ATG7: variants seen among roughly 807,000 people sequenced by gnomAD.
ATG7 encodes the protein ubiquitin-like modifier-activating enzyme ATG7.
ATG7 carries 70 observed loss-of-function variants against 82.4 expected under a neutral mutation model. The ratio of observed to expected loss-of-function variants is 0.85; its 90% CI spans 0.70 to 1.04. The LOEUF (loss-of-function observed/expected upper bound fraction) is 1.04. Ranked by LOEUF, ATG7 falls within the 50% of genes least tolerant of loss-of-function variation. ATG7 has a pLI of 0.00. For synonymous variants in ATG7, 287 were observed against 313.0 expected (o/e 0.92, Z 0.88); for missense variants, 792 against 864.3 (o/e 0.92, Z 1.05).
intron 20 of ATG7, among the ~76,000 whole-genome samples, chr3:11,549,283 T>G (rs1237828984): frequency 6.6e-6 from 1 of 152,164 alleles, no homozygotes; most frequent in Non-Finnish European, 1.5e-5. Flanking sequence ...GTGTGTAAGG[T>G]ATCTTTATAT....
chr3:11,320,379 TG>T (rs1478337501), intron 9 of ATG7, among the ~76,000 whole-genome samples: 1 of 152,020 alleles, frequency 6.6e-6, no homozygotes, highest in Non-Finnish European at 1.5e-5. Flanking sequence ...CTCCGCCTCC[TG>T]GGTCCAAGTG....
At chr3:11,502,492 G>A (rs1285480397) in intron 20 of ATG7, among the ~76,000 whole-genome samples, 2 of 148,128 alleles carry the variant, frequency 1.4e-5, no homozygotes. Flanking sequence ...TTTTGTTCTT[G>A]CGATAGTTTA....
chr3:11,570,373 C>A, the ATG7 span, among the ~76,000 whole-genome samples: 1 of 152,154 alleles, frequency 6.6e-6, no homozygotes, highest in African/African-American at 2.4e-5. Context: ...AGATGCCGGC[C>A]ACCAAGGTCT....
chr3:11,493,288 C>G (rs931698011), intron 20 of ATG7, among the ~76,000 whole-genome samples: 1 of 152,220 alleles, frequency 6.6e-6, no homozygotes, highest in African/African-American at 2.4e-5. Flanking sequence ...CAGCCACCAT[C>G]TCTGAAGGCA....
intron 20 of ATG7, among the ~76,000 whole-genome samples, chr3:11,434,373 T>C (rs1305795889): frequency 1.3e-5 from 2 of 152,194 alleles, no homozygotes; most frequent in Non-Finnish European, 2.9e-5. Flanking sequence ...ACTAGCCTGC[T>C]CATGAATCCA....
intron 11 of ATG7, among the ~76,000 whole-genome samples, chr3:11,333,297 G>A (rs1951913223): frequency 6.6e-6 from 1 of 152,162 alleles, no homozygotes; most frequent in South Asian, 2.1e-4. Flanking sequence ...TTGTGACCAG[G>A]AAATTTTCTC....
At chr3:11,504,607 G>C (rs192405043) in intron 20 of ATG7, among the ~76,000 whole-genome samples, 11 of 152,352 alleles carry the variant, frequency 7.2e-5, no homozygotes, top group African/African-American at 2.6e-4. Flanking sequence ...GTGTTAAGAT[G>C]AAATGGCTTG....
intron 20 of ATG7, among the ~76,000 whole-genome samples, chr3:11,438,751 T>C (rs977597953): frequency 2.0e-5 from 3 of 151,990 alleles, no homozygotes; most frequent in African/African-American, 7.3e-5. Context: ...TTTTTCAAGA[T>C]CTAATATGTG....
At chr3:11,396,102 T>G in intron 19 of ATG7, among the ~76,000 whole-genome samples, 1 of 148,904 alleles carries the variant, frequency 6.7e-6, no homozygotes, top group African/African-American at 2.5e-5. Flanking sequence ...TCCAAAACGT[T>G]AAATCAGAAG....
rs144337345 is a variant in ATG7, at chr3:11,447,461, C to T, written c.2079+20535C>T. On this transcript the variant is annotated intron_variant, in intron 20 of 20. Transcript: ENST00000693202. ...CAGCCCGGGCAACAGTGCAAGACTC[C>T]GTCTCAGGGAAAAAAAAAAAAAAAG... Among the ~76,000 whole-genome samples, 382 of 150,560 alleles carry T rather than the reference C, an allele frequency of 2.5e-3. 2 individuals are homozygous for T. Among genetic ancestry groups the T allele is most frequent in the African/African-American group, 8.6e-3 (352 of 40,832 alleles).
intron 20 of ATG7, among the ~76,000 whole-genome samples, chr3:11,477,541 G>A (rs556495663): frequency 4.6e-5 from 7 of 152,320 alleles, no homozygotes; most frequent in East Asian, 3.9e-4. Flanking sequence ...AGATAAGGGC[G>A]TTTGTTAGAC....
At chr3:11,309,723 GCACA>G (rs924125812) in intron 7 of ATG7, among the ~76,000 whole-genome samples, 2 of 152,032 alleles carry the variant, frequency 1.3e-5, no homozygotes, top group African/African-American at 4.8e-5. Context: ...ACAGGCACGT[GCACA>G]CACACAGCAA....
At chr3:11,375,231 A>T (rs1284719206) in intron 18 of ATG7, among the ~76,000 whole-genome samples, 1 of 152,112 alleles carries the variant, frequency 6.6e-6, no homozygotes, top group Non-Finnish European at 1.5e-5. Flanking sequence ...GAACAAAAAA[A>T]CCAGAATGGG....
chr3:11,418,927 G>C, intron 19 of ATG7, among the ~76,000 whole-genome samples: 1 of 152,088 alleles, frequency 6.6e-6, no homozygotes, highest in East Asian at 1.9e-4. Flanking sequence ...CAGATCTCAT[G>C]AGAACTCGCT....
chr3:11,508,431 G>C (rs1312204214), intron 20 of ATG7, among the ~76,000 whole-genome samples: 2 of 152,004 alleles, frequency 1.3e-5, no homozygotes, highest in Non-Finnish European at 2.9e-5. Flanking sequence ...ACATGCGTTA[G>C]ACAAGCTTGG....
intron 20 of ATG7, among the ~76,000 whole-genome samples, chr3:11,512,880 T>A (rs1360246009): frequency 6.6e-6 from 1 of 152,146 alleles, no homozygotes; most frequent in East Asian, 1.9e-4. Context: ...ATTGGTCCAT[T>A]TTACAGAGAG....
At chr3:11,508,335 TAAA>T (rs11324728) in intron 20 of ATG7, among the ~76,000 whole-genome samples, 14 of 144,846 alleles carry the variant, frequency 9.7e-5, no homozygotes, top group Admixed American at 1.4e-4. Flanking sequence ...CTGATGAGCT[TAAA>T]AAAAAAAAAA....
chr3:11,558,344 T>C, downstream of ATG7: 1 of 727,662 alleles, frequency 1.4e-6, no homozygotes, highest in Non-Finnish European at 2.2e-6. Context: ...GTTCCACGCG[T>C]AGTTCCTGCT....
chr3:11,292,171 G>A (rs893027936), intron 3 of ATG7, among the ~76,000 whole-genome samples: 11 of 152,140 alleles, frequency 7.2e-5, no homozygotes, highest in Non-Finnish European at 2.9e-5. Context: ...TCAGAGTGGC[G>A]TGAATCTGGA....
Sources: allele counts gnomAD v4.1 joint callset (sites outside exome capture counted in the v4.1 genomes callset), GRCh38; gene constraint gnomAD v4.1.1; transcripts MANE v1.5; gene names NCBI Gene and HGNC (gene_info 2026-07-23, HGNC 2026-07-21).